The following ABR variants were observed in gnomAD, a reference collection of about 807,000 sequenced individuals.
ABR encodes the protein ABR activator of RhoGEF and GTPase, also known as active breakpoint cluster region-related protein.
A neutral mutation model predicts 107.2 loss-of-function variants in ABR; 35 were observed. That is an observed-to-expected ratio of 0.33 (90% CI 0.25 to 0.43). The LOEUF (loss-of-function observed/expected upper bound fraction) is 0.43. Among genes scored for constraint, ABR ranks in the 20% least tolerant of loss-of-function variants. ABR has a pLI of 1.00. For synonymous variants in ABR, 498 were observed against 462.0 expected (o/e 1.08, Z -1.00); for missense variants, 815 against 1,115.2 (o/e 0.73, Z 3.83).
intron 2 of ABR, among the ~76,000 whole-genome samples, chr17:1,120,604 C>T (rs925483300): frequency 6.6e-6 from 1 of 152,192 alleles, no homozygotes; most frequent in African/African-American, 2.4e-5. Flanking sequence ...AATTCGCCTC[C>T]ACCCTTATCT....
At chr17:1,020,815 C>A (rs1025557259) in intron 16 of ABR, among the ~76,000 whole-genome samples, 2 of 152,148 alleles carry the variant, frequency 1.3e-5, no homozygotes, top group Non-Finnish European at 2.9e-5. Flanking sequence ...CCCTTCCTCT[C>A]GGCTCACCTC....
At chr17:1,109,120 G>T in intron 2 of ABR, 2 of 1,565,686 alleles carry the variant, frequency 1.3e-6, no homozygotes, top group Non-Finnish European at 1.7e-6. Context: ...ACGCAGCGGC[G>T]GCGGGAGGAG....
Position 1,156,872 on chromosome 17 carries a change from C to G in ABR, c.61+22795G>C, listed in dbSNP as rs531512623. Among the ~76,000 whole-genome samples, 4 of 152,282 alleles carry G rather than the reference C, an allele frequency of 2.6e-5. No homozygotes were observed. In the South Asian group the frequency reaches 8.3e-4, roughly 32 times the overall value. On this transcript the variant is annotated intron_variant, in intron 1 of 22. Transcript: ENST00000302538. ...AGGCTGGGATCTGAATACAGGCAGC[C>G]TGAGAAGTGGCTCTTCCGTCCACCT... is the stretch of plus-strand genomic sequence containing the variant.
chr17:1,167,100 AC>A, intron 1 of ABR, among the ~76,000 whole-genome samples: 1 of 151,766 alleles, frequency 6.6e-6, no homozygotes, highest in Non-Finnish European at 1.5e-5. Flanking sequence ...GGGCTGGGGG[AC>A]CCCGTGATAC....
chr17:1,123,202 C>G (rs1158896891), intron 2 of ABR, among the ~76,000 whole-genome samples: 1 of 27,972 alleles, frequency 3.6e-5, no homozygotes, highest in African/African-American at 6.5e-5. Flanking sequence ...AGGCAGGTGC[C>G]GCGGATGGGA....
At chr17:1,208,737 A>C (rs1340841192) in intron 1 of ABR, among the ~76,000 whole-genome samples, 1 of 151,924 alleles carries the variant, frequency 6.6e-6, no homozygotes, top group East Asian at 1.9e-4. Context: ...AAATACAAAA[A>C]ATTAGCCGGG....
chr17:1,045,365 AGG>A lies in ABR; in HGVS notation c.1791+4683_1791+4684del, dbSNP rs2031404449. Among the ~76,000 whole-genome samples the A allele has an allele frequency of 3.1e-5, 4 of 130,836 alleles. No individual in the cohort carries two copies. The Admixed American group carries it at 3.6e-4, about 12-fold the overall frequency. The allele number at this position is 130,836 out of a possible 152,430, so 85.8% of individuals were successfully genotyped here. ...GGACAATCTTCCATCTTCTTACAGC[AGG>A]ACAATCTTCCGTCTTCTTACAGCAG... On this transcript the variant is annotated intron_variant, in intron 16 of 22. Transcript: ENST00000302538.
At position 1,005,461 on chromosome 17, in the gene ABR, G is replaced by A. The variant is rs1486402059; in HGVS notation, c.*619C>T. On this transcript the variant is annotated 3_prime_UTR_variant, in exon 23 of 23. Transcript: ENST00000302538. ...TGTGCTCCCAAAGGCGGAGTCTGAG[G>A]AGGGGCCGGCAGCGGCAAACGGCAG... 1 of 289,406 alleles carries A rather than the reference G, an allele frequency of 3.5e-6. No individual in the cohort carries two copies. Among genetic ancestry groups the A allele is most frequent in the African/African-American group, 2.2e-5 (1 of 46,292 alleles). The allele number at this position is 289,406 out of a possible 1,614,324, so 17.9% of individuals were successfully genotyped here.
chr17:1,135,195 G>T (rs552966169), intron 1 of ABR, among the ~76,000 whole-genome samples: 1 of 152,074 alleles, frequency 6.6e-6, no homozygotes, highest in South Asian at 2.1e-4. Flanking sequence ...GTGAGCAGAG[G>T]GGGAGAGGGC....
chr17:1,141,565 G>A (rs995776952), intron 1 of ABR, among the ~76,000 whole-genome samples: 13 of 152,208 alleles, frequency 8.5e-5, no homozygotes, highest in East Asian at 5.8e-4. Flanking sequence ...CTAACAAAAC[G>A]GCAGCTATTA....
intron 10 of ABR, among the ~76,000 whole-genome samples, chr17:1,060,657 T>C (rs927795856): frequency 6.6e-6 from 1 of 152,008 alleles, no homozygotes; most frequent in Non-Finnish European, 1.5e-5. Flanking sequence ...GCCAGTATTA[T>C]ATTGGGGATT....
chr17:1,098,920 G>C (rs1169519896), intron 3 of ABR, among the ~76,000 whole-genome samples: 2 of 152,120 alleles, frequency 1.3e-5, no homozygotes, highest in South Asian at 4.1e-4. Context: ...TGAGTAGCTG[G>C]GATTACAGGG....
chr17:1,094,615 C>T (rs535877530), intron 3 of ABR, among the ~76,000 whole-genome samples: 28 of 152,282 alleles, frequency 1.8e-4, no homozygotes, highest in Middle Eastern at 6.8e-3. Context: ...AAGTGATCCA[C>T]GTGCCTCGGC....
At chr17:1,198,406 C>T (rs376420897) in intron 1 of ABR, among the ~76,000 whole-genome samples, 5 of 151,640 alleles carry the variant, frequency 3.3e-5, no homozygotes, top group African/African-American at 9.8e-5. Flanking sequence ...CACCAACAGA[C>T]GGCAACTTCC....
At chr17:1,042,398 G>A (rs76727925) in intron 16 of ABR, among the ~76,000 whole-genome samples, 124 of 149,588 alleles carry the variant, frequency 8.3e-4, no homozygotes, top group African/African-American at 2.8e-3. Context: ...CTACATCCAC[G>A]GACGGATGGA....
chr17:1,077,853 A>T (rs573229147), intron 6 of ABR, among the ~76,000 whole-genome samples: 1 of 152,248 alleles, frequency 6.6e-6, no homozygotes, highest in Admixed American at 6.5e-5. Context: ...TCAGGCCCAG[A>T]GCAGCCGGCC....
chr17:1,205,921 C>G (rs557894501), intron 1 of ABR, among the ~76,000 whole-genome samples: 1 of 144,224 alleles, frequency 6.9e-6, no homozygotes, highest in East Asian at 2.0e-4. Context: ...CAGCCTGGCG[C>G]CAGAGCAAGA....
chr17:1,026,366 G>C (rs1309404609), intron 16 of ABR, among the ~76,000 whole-genome samples: 1 of 152,248 alleles, frequency 6.6e-6, no homozygotes, highest in Non-Finnish European at 1.5e-5. Context: ...ACGGCATCCA[G>C]GCATCGGATG....
rs980581763 is a variant in ABR, at chr17:1,051,096, T to C, written c.1562-462A>G. 6.6e-6 allele frequency among the ~76,000 whole-genome samples: 1 copy of C among 151,998 alleles called. No individual in the cohort carries two copies. Among genetic ancestry groups the C allele is most frequent in the Non-Finnish European group, 1.5e-5 (1 of 68,006 alleles). ...CAGGCCTCAACAGCGGCATTTGGGG[T>C]GGGAGGCGTTTAGCAGCCCTGCCTC... On this transcript the variant is annotated intron_variant, in intron 14 of 22. Transcript: ENST00000302538. This position sits in a 1 kb window ranked among gnomAD's most constrained non-coding sequence, Gnocchi z 4.3.
Sources: allele counts gnomAD v4.1 joint callset (sites outside exome capture counted in the v4.1 genomes callset), GRCh38; gene constraint gnomAD v4.1.1; non-coding constraint Gnocchi (gnomAD v3.1); transcripts MANE v1.5; gene names NCBI Gene and HGNC (gene_info 2026-07-23, HGNC 2026-07-21).